Variants in CCDC149 observed in about 807,000 individuals in gnomAD.
CCDC149 encodes the protein coiled-coil domain containing 149, also known as coiled-coil domain-containing protein 149.
CCDC149 carries 45 observed loss-of-function variants against 59.9 expected under a neutral mutation model. That is an observed-to-expected ratio of 0.75 (90% CI 0.59 to 0.96). CCDC149 has a LOEUF of 0.96. Ranked by LOEUF, CCDC149 falls within the 40% of genes least tolerant of loss-of-function variation. The pLI is 0.00. For missense variants in CCDC149, 584 were observed against 664.7 expected (o/e 0.88, Z 1.33); for synonymous variants, 245 against 260.6 (o/e 0.94, Z 0.58).
chr4:24,901,830 T>C (rs1266254844), intron 1 of CCDC149, among the ~76,000 whole-genome samples: 1 of 152,206 alleles, frequency 6.6e-6, no homozygotes, highest in South Asian at 2.1e-4. Context: ...GGACTCATTC[T>C]ATTCCATCTC....
intron 1 of CCDC149, among the ~76,000 whole-genome samples, chr4:24,968,199 G>T (rs970435256): frequency 2.0e-5 from 3 of 152,216 alleles, no homozygotes; most frequent in Non-Finnish European, 2.9e-5. Flanking sequence ...CTGTGGCAGT[G>T]CACGGGGTGC....
At chr4:24,901,002 G>T (rs1721132522) in intron 1 of CCDC149, among the ~76,000 whole-genome samples, 1 of 152,250 alleles carries the variant, frequency 6.6e-6, no homozygotes, top group African/African-American at 2.4e-5. Flanking sequence ...AGCCACCACT[G>T]AAGGTTTCCG....
At chr4:24,861,829 A>G (rs1357560042) in intron 3 of CCDC149, among the ~76,000 whole-genome samples, 2 of 152,168 alleles carry the variant, frequency 1.3e-5, no homozygotes, top group Non-Finnish European at 2.9e-5. Context: ...TCGCTGTAAT[A>G]AGAAATGGGA....
intron 1 of CCDC149, among the ~76,000 whole-genome samples, chr4:24,975,575 AGAGAGGAGAGGGAAGGGGAG>A (rs1724150056): frequency 7.8e-6 from 1 of 127,964 alleles, no homozygotes; most frequent in Non-Finnish European, 1.6e-5. Context: ...GGGGAGGGGA[AGAGAGGAGAGGGAAGGGGAG>A]GAGAGAGGAA....
downstream of CCDC149, among the ~76,000 whole-genome samples, chr4:24,804,113 C>A (rs183264333): frequency 2.0e-5 from 3 of 152,076 alleles, no homozygotes; most frequent in Non-Finnish European, 2.9e-5. Flanking sequence ...CTGAAGGGAC[C>A]CTCACTATTG....
chr4:24,885,471 C>G (rs919555182), intron 1 of CCDC149, among the ~76,000 whole-genome samples: 1 of 152,176 alleles, frequency 6.6e-6, no homozygotes, highest in Non-Finnish European at 1.5e-5. Context: ...AGTCTGTGAT[C>G]ACGGTGTCTA....
intron 1 of CCDC149, among the ~76,000 whole-genome samples, chr4:24,879,812 C>T (rs1446580921): frequency 1.3e-5 from 2 of 152,206 alleles, no homozygotes; most frequent in African/African-American, 2.4e-5. Context: ...GTGCCTGGCT[C>T]AGGAATCTGC....
intron 12 of CCDC149, among the ~76,000 whole-genome samples, chr4:24,810,987 G>A (rs1714561624): frequency 6.6e-6 from 1 of 152,098 alleles, no homozygotes; most frequent in Admixed American, 6.6e-5. Context: ...ACAGAAGTCT[G>A]GAAAACTCCA....
chr4:24,892,831 T>G (rs1460112824), intron 1 of CCDC149, among the ~76,000 whole-genome samples: 1 of 152,206 alleles, frequency 6.6e-6, no homozygotes, highest in Non-Finnish European at 1.5e-5. Context: ...CAGGGCAATT[T>G]ATTAAGAAAA....
At chr4:24,971,986 T>C (rs1723983196) in intron 1 of CCDC149, among the ~76,000 whole-genome samples, 1 of 152,220 alleles carries the variant, frequency 6.6e-6, no homozygotes, top group Admixed American at 6.5e-5. Context: ...TTGGAAGCTC[T>C]CACTTCCAGT....
chr4:24,952,333 T>C (rs992635502), intron 1 of CCDC149, among the ~76,000 whole-genome samples: 2 of 152,010 alleles, frequency 1.3e-5, no homozygotes, highest in Non-Finnish European at 2.9e-5. Context: ...GGCTCATCCC[T>C]GTAATCCCAG....
chr4:24,809,947 G>C (rs1437109904), intron 12 of CCDC149, among the ~76,000 whole-genome samples: 1 of 152,216 alleles, frequency 6.6e-6, no homozygotes, highest in Non-Finnish European at 1.5e-5. Context: ...AAAACCTTCT[G>C]CTGGAGCCTT....
chr4:24,848,447 T>C (rs981536904), intron 4 of CCDC149, among the ~76,000 whole-genome samples: 2 of 152,086 alleles, frequency 1.3e-5, no homozygotes, highest in Non-Finnish European at 2.9e-5. Flanking sequence ...CGCGTGCCTG[T>C]AGTCCCAGCT....
intron 2 of CCDC149, among the ~76,000 whole-genome samples, chr4:24,875,329 CAAA>C (rs1253460363): frequency 9.6e-6 from 1 of 103,906 alleles, no homozygotes; most frequent in Non-Finnish European, 2.0e-5. Context: ...GAATCCGTCT[CAAA>C]AAAAAAAAAA....
chr4:24,858,627 T>C (rs1718181636), intron 3 of CCDC149, among the ~76,000 whole-genome samples: 1 of 152,238 alleles, frequency 6.6e-6, no homozygotes, highest in Admixed American at 6.5e-5. Flanking sequence ...CAGCTTTCCA[T>C]TCTGAAACAC....
chr4:24,811,797 C>T (rs957003925), intron 12 of CCDC149, among the ~76,000 whole-genome samples: 9 of 151,692 alleles, frequency 5.9e-5, no homozygotes, highest in Non-Finnish European at 1.0e-4. Context: ...CAATTGAACC[C>T]GGGAGGCAGA....
At chr4:24,938,434 C>T (rs9291464) in intron 1 of CCDC149, among the ~76,000 whole-genome samples, 31,118 of 152,012 alleles carry the variant, frequency 0.2, 4,226 homozygotes, top group African/African-American at 0.39. Flanking sequence ...CCAAGATAGC[C>T]GAATAGGAAC....
At chr4:24,829,418 G>C (rs1360767749) in intron 9 of CCDC149, 2 of 152,264 alleles carry the variant, frequency 1.3e-5, no homozygotes, top group African/African-American at 4.8e-5. Context: ...AAAAAGCACA[G>C]AAGATGGAGA....
At position 24,860,148 on chromosome 4, in the gene CCDC149, C is replaced by A. The variant is rs180986715; in HGVS notation, c.265-6969G>T. 1.5e-4 allele frequency among the ~76,000 whole-genome samples: 23 copies of A among 152,192 alleles called. No homozygotes were observed. In the East Asian group the frequency reaches 4.4e-3, roughly 29 times the overall value. ...CCCGCATAGCCAAAGCAAAACTAAG[C>A]AAAAAGGACAACTCTGGAGGCATCA... is the stretch of plus-strand genomic sequence containing the variant. On this transcript the variant is annotated intron_variant, in intron 3 of 12. Transcript: ENST00000635206.
Sources: allele counts gnomAD v4.1 joint callset (sites outside exome capture counted in the v4.1 genomes callset), GRCh38; gene constraint gnomAD v4.1.1; transcripts MANE v1.5; gene names NCBI Gene and HGNC (gene_info 2026-07-23, HGNC 2026-07-21).